The following CMTM4 variants were observed in gnomAD, a reference collection of about 807,000 sequenced individuals.
CMTM4 encodes CKLF like MARVEL transmembrane domain containing 4.
A neutral mutation model predicts 19.0 loss-of-function variants in CMTM4; 8 were observed. That is an observed-to-expected ratio of 0.42 (90% CI 0.25 to 0.76). CMTM4 has a LOEUF of 0.76. CMTM4 is among the 30% of genes least tolerant of loss of function. The probability of loss-of-function intolerance (pLI) is 0.27; values close to 1 mark genes in which losing one functional copy is unlikely to be tolerated. For missense variants in CMTM4, 228 were observed against 290.2 expected (o/e 0.79, Z 1.56); for synonymous variants, 106 against 121.1 (o/e 0.88, Z 0.82).
At chr16:66,635,640 G>A (rs948886196) in intron 2 of CMTM4, among the ~76,000 whole-genome samples, 24 of 152,200 alleles carry the variant, frequency 1.6e-4, no homozygotes, top group African/African-American at 5.1e-4. Context: ...TGCCCACGGC[G>A]TTCTCATCCC....
intron 1 of CMTM4, among the ~76,000 whole-genome samples, chr16:66,655,545 GTTT>G (rs1242879861): frequency 7.2e-6 from 1 of 138,588 alleles, no homozygotes; most frequent in African/African-American, 2.8e-5. Context: ...GTGTGTGTGT[GTTT>G]ATTTATGTGT....
chr16:66,682,279 A>G (rs952173237), intron 1 of CMTM4, among the ~76,000 whole-genome samples: 2 of 152,164 alleles, frequency 1.3e-5, no homozygotes, highest in Non-Finnish European at 2.9e-5. Flanking sequence ...CTTAATCTCA[A>G]GTTATACACA....
Position 66,621,859 on chromosome 16 carries a change from A to G in CMTM4, c.*199T>C. ...TGACGCCGGCTGCTCCACAGCCCCA[A>G]ACGCTGAGGAACGTGGGCCTCCCAA... On this transcript the variant is annotated 3_prime_UTR_variant, in exon 4 of 4. Coordinates refer to ENST00000394106, the MANE Select transcript of CMTM4 (RefSeq NM_181521.3). 2 of 1,415,890 alleles carry G rather than the reference A, an allele frequency of 1.4e-6. No individual in the cohort carries two copies. Among genetic ancestry groups the G allele is most frequent in the South Asian group, 1.5e-5 (1 of 64,686 alleles). The allele number at this position is 1,415,890 out of a possible 1,614,324, so 87.7% of individuals were successfully genotyped here.
In CMTM4 at chr16:66,620,188, G is replaced by T. The variant is rs540464662; in HGVS notation, c.*1870C>A. The T allele has an allele frequency of 2.9e-5, 29 of 985,480 alleles. No homozygotes were observed. Among genetic ancestry groups the T allele is most frequent in the Non-Finnish European group, 3.5e-5 (29 of 829,936 alleles). The allele number at this position is 985,480 out of a possible 1,614,324, so 61.0% of individuals were successfully genotyped here. A position where few individuals can be genotyped will look rare whatever the true frequency, so the allele number is the denominator to read the frequency against. On this transcript the variant is annotated 3_prime_UTR_variant, in exon 4 of 4. Coordinates refer to ENST00000394106, the MANE Select transcript of CMTM4 (RefSeq NM_181521.3). ...TCCTTCCAAGTGGGCCCCATTTAATGCAAGGCTGAGCCTTTGTGGCCCTAT... is the reference window on the plus strand; with the variant it reads ...TCCTTCCAAGTGGGCCCCATTTAATTCAAGGCTGAGCCTTTGTGGCCCTAT...
intron 1 of CMTM4, among the ~76,000 whole-genome samples, chr16:66,642,378 G>C (rs1237732802): frequency 6.6e-6 from 1 of 152,138 alleles, no homozygotes; most frequent in East Asian, 1.9e-4. Context: ...TCCTTTCCAG[G>C]TGGCAACTAC....
At chr16:66,681,490 T>A (rs1405719030) in intron 1 of CMTM4, among the ~76,000 whole-genome samples, 1 of 152,080 alleles carries the variant, frequency 6.6e-6, no homozygotes, top group Admixed American at 6.6e-5. Context: ...CTAATTTTTT[T>A]GTATTTTTAG....
At chr16:66,642,300 A>G (rs2016109980) in intron 1 of CMTM4, among the ~76,000 whole-genome samples, 1 of 152,252 alleles carries the variant, frequency 6.6e-6, no homozygotes, top group African/African-American at 2.4e-5. Flanking sequence ...GAGATGTCCA[A>G]AAAGATGTAT....
At position 66,619,523 on chromosome 16, in the gene CMTM4, G is replaced by A. The variant is rs993623562; in HGVS notation, c.*2535C>T. On this transcript the variant is annotated 3_prime_UTR_variant, in exon 4 of 4. Coordinates refer to ENST00000394106, the MANE Select transcript of CMTM4 (RefSeq NM_181521.3). ...TATTGAAACTATTAAACGCAAAAAC[G>A]CTTCCTTCAATTTGCCAAGAGGTCA... 11 of 985,212 alleles carry A rather than the reference G, an allele frequency of 1.1e-5. No individual in the cohort carries two copies. In the South Asian group the frequency reaches 1.4e-4, roughly 13 times the overall value. The allele number at this position is 985,212 out of a possible 1,614,324, so 61.0% of individuals were successfully genotyped here.
chr16:66,691,666 A>T (rs561522014), intron 1 of CMTM4, among the ~76,000 whole-genome samples: 54 of 152,204 alleles, frequency 3.5e-4, no homozygotes, highest in Non-Finnish European at 7.2e-4. Context: ...GTACCACTGC[A>T]CTCCAGCCTG....
At chr16:66,613,116 G>A, downstream of CMTM4, 1 of 703,042 alleles carries the variant, frequency 1.4e-6, no homozygotes, top group East Asian at 2.7e-5. Context: ...CCACTTTGGT[G>A]ACAATGACCC....
At chr16:66,683,139 A>ATG in intron 1 of CMTM4, among the ~76,000 whole-genome samples, 2 of 130,064 alleles carry the variant, frequency 1.5e-5, no homozygotes, top group African/African-American at 5.6e-5. Flanking sequence ...GTATATATAT[A>ATG]TATATATGTA....
At chr16:66,691,196 T>A (rs751166085) in intron 1 of CMTM4, among the ~76,000 whole-genome samples, 5 of 152,086 alleles carry the variant, frequency 3.3e-5, no homozygotes, top group Non-Finnish European at 7.4e-5. Context: ...CATCTAGGCA[T>A]GGGAAGGGCT....
rs773015381 is a variant in CMTM4 at position 66,617,891 on chromosome 16, G to A, written c.*4167C>T. 2 of 988,120 alleles carry A rather than the reference G, an allele frequency of 2.0e-6. No individual in the cohort carries two copies. The highest frequency in any genetic ancestry group is 2.4e-6 in the Non-Finnish European group (2 of 831,858). 61.2% of individuals were successfully genotyped at this position (988,120 alleles called of 1,614,324 possible). ...CTTGCCCTCAAGCTGACTGTGGAAC[G>A]CGAGACAGCTTTCAAAGACAAGAGG... On this transcript the variant is annotated 3_prime_UTR_variant, in exon 4 of 4. Transcript: ENST00000394106.
intron 1 of CMTM4, among the ~76,000 whole-genome samples, chr16:66,671,230 A>C (rs1447520899): frequency 1.3e-5 from 2 of 152,200 alleles, no homozygotes; most frequent in African/African-American, 4.8e-5. Context: ...TGGAGAATGA[A>C]GAATAGAAAC....
chr16:66,605,657 C>A, the CMTM4 span: 1 of 153,426 alleles, frequency 6.5e-6, no homozygotes, highest in Non-Finnish European at 1.4e-5. The surrounding 1 kb of genome is among the most constrained non-coding windows in gnomAD (Gnocchi z 4.6). Context: ...CGCACGGCGG[C>A]GGCCACTTGT....
At chr16:66,632,985 T>A (rs1490390799) in intron 2 of CMTM4, among the ~76,000 whole-genome samples, 1 of 151,366 alleles carries the variant, frequency 6.6e-6, no homozygotes, top group East Asian at 1.9e-4. Context: ...CTCGGGAGGC[T>A]GAGGCAGGAG....
Position 66,618,514 on chromosome 16 carries a change from C to A in CMTM4, c.*3544G>T. The A allele has an allele frequency of 1.0e-6, 1 of 985,504 alleles. No homozygotes were observed. Among genetic ancestry groups the A allele is most frequent in the Non-Finnish European group, 1.2e-6 (1 of 829,988 alleles). The allele number at this position is 985,504 out of a possible 1,614,324, so 61.0% of individuals were successfully genotyped here. A position where few individuals can be genotyped will look rare whatever the true frequency, so the allele number is the denominator to read the frequency against. ...TTAGACCTCAGTCCACCTCTCAGAG[C>A]ACATGGATAGGTGACGGGTTTCTCA... On this transcript the variant is annotated 3_prime_UTR_variant, in exon 4 of 4. Coordinates refer to ENST00000394106, the MANE Select transcript of CMTM4 (RefSeq NM_181521.3).
intron 1 of CMTM4, among the ~76,000 whole-genome samples, chr16:66,652,468 A>G (rs752330946): frequency 1.3e-5 from 2 of 152,232 alleles, no homozygotes; most frequent in African/African-American, 4.8e-5. Context: ...AGATGTTTCA[A>G]GCGGGTTCTC....
In CMTM4 at chr16:66,619,022, C is replaced by T. The variant is rs371732196; in HGVS notation, c.*3036G>A. 1.0e-6 allele frequency: 1 copy of T among 985,384 alleles called. No homozygotes were observed. Among genetic ancestry groups the T allele is most frequent in the Non-Finnish European group, 1.2e-6 (1 of 829,954 alleles). 61.0% of individuals were successfully genotyped at this position (985,384 alleles called of 1,614,324 possible). A position where few individuals can be genotyped will look rare whatever the true frequency, so the allele number is the denominator to read the frequency against. On this transcript the variant is annotated 3_prime_UTR_variant, in exon 4 of 4. Transcript: ENST00000394106. ...TTGCTTTTTCTGTAGACAAAAGTCA[C>T]CTCCCTCGGATGGCTGTTTACTTCA...
Sources: gnomAD v4.1 joint callset for allele counts (sites outside exome capture counted in the v4.1 genomes callset) on GRCh38, gnomAD v4.1.1 for gene constraint, Gnocchi (gnomAD v3.1) non-coding constraint, MANE v1.5 for transcripts, NCBI Gene and HGNC (gene_info 2026-07-23, HGNC 2026-07-21) for gene names.